The following ALPK1 variants were observed in gnomAD, a reference collection of about 807,000 sequenced individuals.
ALPK1 encodes the protein alpha kinase 1, also known as alpha-protein kinase 1.
Under a neutral mutation model 120.6 loss-of-function variants are expected in ALPK1, and 110 were observed. The ratio of observed to expected loss-of-function variants is 0.91; its 90% CI spans 0.78 to 1.07. The LOEUF (loss-of-function observed/expected upper bound fraction) is 1.07, where lower values mean the gene tolerates loss of function less well. ALPK1 is among the 50% of genes least tolerant of loss of function. The pLI is 0.00. For synonymous variants in ALPK1, 582 were observed against 560.3 expected, an observed-to-expected ratio of 1.04 and a Z score of -0.55; for missense variants, 1,498 against 1,483.9, an observed-to-expected ratio of 1.01 and a Z score of -0.16.
intron 5 of ALPK1, among the ~76,000 whole-genome samples, chr4:112,422,001 A>T (rs1734016404): frequency 6.6e-6 from 1 of 152,208 alleles, no homozygotes; most frequent in Non-Finnish European, 1.5e-5. Flanking sequence ...ATTGTTAAGT[A>T]AAATACGGGT....
intron 4 of ALPK1, among the ~76,000 whole-genome samples, chr4:112,385,127 A>G (rs1168240861): frequency 6.6e-6 from 1 of 152,164 alleles, no homozygotes; most frequent in East Asian, 1.9e-4. Flanking sequence ...CCATCCTGCA[A>G]TCACCAGATC....
chr4:112,357,616 C>T (rs1730695918), intron 2 of ALPK1: 2 of 1,606,164 alleles, frequency 1.2e-6, no homozygotes, highest in South Asian at 1.1e-5. Flanking sequence ...CCCAGTCTGC[C>T]TGGAGAACCC....
chr4:112,437,835 T>C (rs1734850677), intron 12 of ALPK1, among the ~76,000 whole-genome samples: 1 of 152,174 alleles, frequency 6.6e-6, no homozygotes, highest in African/African-American at 2.4e-5. Context: ...TGGGCACATG[T>C]GAAATTACTC....
chr4:112,391,331 C>T (rs147153534), intron 4 of ALPK1, among the ~76,000 whole-genome samples: 2 of 152,290 alleles, frequency 1.3e-5, no homozygotes, highest in African/African-American at 4.8e-5. Context: ...GTCAGTGTTA[C>T]AGCCAAACTG....
At chr4:112,381,162 A>T (rs1357053537) in intron 3 of ALPK1, among the ~76,000 whole-genome samples, 1 of 152,224 alleles carries the variant, frequency 6.6e-6, no homozygotes, top group Non-Finnish European at 1.5e-5. Flanking sequence ...CAAGATTCAG[A>T]CAATAATTCA....
intron 2 of ALPK1, among the ~76,000 whole-genome samples, chr4:112,353,885 A>AAAT (rs372128378): frequency 0.011 from 1,600 of 149,620 alleles, 34 homozygotes; most frequent in East Asian, 0.084. Flanking sequence ...ATAAATAAAT[A>AAAT]AATAAATAAA....
chr4:112,432,608 C>A (rs747259483), intron 11 of ALPK1, 27 bp downstream of exon 11: 2 of 1,589,842 alleles, frequency 1.3e-6, no homozygotes, highest in South Asian at 2.2e-5. Flanking sequence ...CAATAGTTCC[C>A]CCCTCAGGAA....
At chr4:112,383,553 G>A (rs1732018295) in intron 4 of ALPK1, 1 of 152,094 alleles carries the variant, frequency 6.6e-6, no homozygotes, top group Non-Finnish European at 1.5e-5. Context: ...AAACAAAACA[G>A]GTTAAGCAGA....
In ALPK1 at chr4:112,430,988, C is replaced by G; in HGVS notation, c.1441C>G (p.Gln481Glu). The change falls in exon 11 of 16, where the codon CAG becomes GAG. Residue 481 changes from glutamine (Q) to glutamate (E), a missense_variant. Physicochemically the swap from Gln to Glu is conservative, Grantham distance 29. Transcript: ENST00000650871. The part of the protein sequence containing the change: ...ESDCGNNKNE[Q>E]KDAKTGVCIT... ...TGATTGTGGAAACAACAAAAATGAA[C>G]AGAAAGATGCAAAAACAGGAGTCTG... 1 of 1,613,352 alleles carries G rather than the reference C, an allele frequency of 6.2e-7. No homozygotes were observed. The highest frequency in any genetic ancestry group is 8.5e-7 in the Non-Finnish European group (1 of 1,179,584).
intron 1 of ALPK1, among the ~76,000 whole-genome samples, chr4:112,309,197 G>T (rs565776872): frequency 6.6e-6 from 1 of 152,096 alleles, no homozygotes; most frequent in South Asian, 2.1e-4. Flanking sequence ...TGGGGGTCAG[G>T]GACCCACTTG....
intron 1 of ALPK1, among the ~76,000 whole-genome samples, chr4:112,309,231 G>A (rs944341488): frequency 1.3e-5 from 2 of 152,148 alleles, no homozygotes; most frequent in African/African-American, 4.8e-5. Context: ...TCTGTTCTCA[G>A]ATCTCAAACT....
intron 8 of ALPK1, among the ~76,000 whole-genome samples, chr4:112,427,269 A>G (rs996136705): frequency 1.3e-5 from 2 of 152,186 alleles, no homozygotes; most frequent in Admixed American, 1.3e-4. Flanking sequence ...AATATCTCCA[A>G]GTCAGGGTAT....
At chr4:112,374,295 C>T (rs931865902) in intron 2 of ALPK1, among the ~76,000 whole-genome samples, 2 of 152,210 alleles carry the variant, frequency 1.3e-5, no homozygotes, top group Admixed American at 6.5e-5. Context: ...CTATAAGGAG[C>T]AACGTCCCAT....
intron 2 of ALPK1, among the ~76,000 whole-genome samples, chr4:112,324,340 A>G (rs112615425): frequency 0.21 from 14,869 of 72,368 alleles, 1,186 homozygotes; most frequent in East Asian, 0.44. Context: ...AAAAAAAAAA[A>G]GAAAAAAAAA....
rs78849785 is a variant in ALPK1, at chr4:112,317,468, T to C, written c.-101+1616T>C. 1.8e-3 allele frequency among the ~76,000 whole-genome samples: 271 copies of C among 152,286 alleles called. 2 individuals are homozygous for C. Among genetic ancestry groups the C allele is most frequent in the African/African-American group, 6.2e-3 (256 of 41,568 alleles). ...CATTCTTCTGTATGTGGATATACAG[T>C]TTTCCCAATACCGTTTGTTGGAAAA... is the stretch of plus-strand genomic sequence containing the variant. On this transcript the variant is annotated intron_variant, in intron 2 of 15. Transcript: ENST00000650871.
intron 4 of ALPK1, among the ~76,000 whole-genome samples, chr4:112,409,641 G>A (rs761932627): frequency 1.3e-5 from 2 of 152,028 alleles, no homozygotes; most frequent in African/African-American, 2.4e-5. Context: ...ACAAATTGCC[G>A]TTTCCTTTAG....
At chr4:112,333,984 A>G (rs931826199) in intron 2 of ALPK1, among the ~76,000 whole-genome samples, 6 of 150,328 alleles carry the variant, frequency 4.0e-5, no homozygotes, top group African/African-American at 1.5e-4. Context: ...TTTATTTTTT[A>G]ACTTAACATA....
intron 2 of ALPK1, among the ~76,000 whole-genome samples, chr4:112,355,866 G>A (rs1730583371): frequency 6.6e-6 from 1 of 152,250 alleles, no homozygotes; most frequent in South Asian, 2.1e-4. Context: ...AGTCTGAACT[G>A]CCTGACAAAG....
At chr4:112,419,484 G>A (rs1733893232) in intron 5 of ALPK1, among the ~76,000 whole-genome samples, 2 of 151,892 alleles carry the variant, frequency 1.3e-5, no homozygotes, top group Admixed American at 1.3e-4. Flanking sequence ...TAGAAGGGAG[G>A]GAGGGAAGAA....
Sources: gnomAD v4.1 joint callset for allele counts (sites outside exome capture counted in the v4.1 genomes callset) on GRCh38, gnomAD v4.1.1 for gene constraint, MANE v1.5 for transcripts, NCBI Gene and HGNC (gene_info 2026-07-23, HGNC 2026-07-21) for gene names.